Variants in CELF2 observed in about 807,000 individuals in gnomAD.
The protein encoded by CELF2 is CUG triplet repeat RNA-binding protein 2.
In CELF2, 8 loss-of-function variants were observed where a neutral mutation model predicts 62.6. The observed-to-expected ratio is 0.13, with a 90% CI of 0.07 to 0.23. The LOEUF (loss-of-function observed/expected upper bound fraction) is 0.23, where lower values mean the gene tolerates loss of function less well. Among genes scored for constraint, CELF2 ranks in the 10% least tolerant of loss-of-function variants. CELF2 has a pLI of 1.00. For synonymous variants in CELF2, 258 were observed against 250.0 expected, an observed-to-expected ratio of 1.03 and a Z score of -0.30; for missense variants, 333 against 671.0, an observed-to-expected ratio of 0.50 and a Z score of 5.56.
chr10:11,123,113 G>A (rs1045375103), intron 1 of CELF2, among the ~76,000 whole-genome samples: 2 of 152,172 alleles, frequency 1.3e-5, no homozygotes, highest in Non-Finnish European at 2.9e-5. Context: ...CTCCAGTTGT[G>A]TGTCTGGAGT....
intron 1 of CELF2, among the ~76,000 whole-genome samples, chr10:11,034,264 A>T (rs2060599709): frequency 6.6e-6 from 1 of 152,232 alleles, no homozygotes; most frequent in Admixed American, 6.5e-5. Context: ...TTGTTGAGAT[A>T]CAAGAAATTA....
At chr10:10,747,775 C>G in the CELF2 span, among the ~76,000 whole-genome samples, 1 of 152,162 alleles carries the variant, frequency 6.6e-6, no homozygotes, top group Non-Finnish European at 1.5e-5. Context: ...GGCACGATCT[C>G]GGCTCACTGC....
At chr10:11,139,309 T>A (rs535591091) in intron 1 of CELF2, among the ~76,000 whole-genome samples, 1 of 152,350 alleles carries the variant, frequency 6.6e-6, no homozygotes, top group East Asian at 1.9e-4. Context: ...ATGCTTTCAT[T>A]GTAAATTTAA....
chr10:11,143,463 T>TG (rs1273745549), intron 1 of CELF2, among the ~76,000 whole-genome samples: 2 of 152,248 alleles, frequency 1.3e-5, no homozygotes, highest in Non-Finnish European at 2.9e-5. Flanking sequence ...CGGTTTTGTC[T>TG]GACTGACGGA....
the CELF2 span, among the ~76,000 whole-genome samples, chr10:10,575,489 T>A: frequency 6.6e-6 from 1 of 152,226 alleles, no homozygotes. Flanking sequence ...TTTTCTTTTG[T>A]TGAGTGTGTT....
At chr10:10,501,322 C>A in the CELF2 span, among the ~76,000 whole-genome samples, 2 of 152,044 alleles carry the variant, frequency 1.3e-5, no homozygotes, top group African/African-American at 4.8e-5. Context: ...AATGGTAGTT[C>A]TTTGTGGTTT....
rs1486141096 is a variant in CELF2, at chr10:11,247,463, ATT to A, written c.355-1689_355-1688del. 1.2e-4 allele frequency among the ~76,000 whole-genome samples: 19 copies of A among 152,102 alleles called. No individual in the cohort carries two copies. Among genetic ancestry groups the A allele is most frequent in the African/African-American group, 4.6e-4 (19 of 41,418 alleles). On this transcript the variant is annotated intron_variant, in intron 3 of 12. Coordinates refer to ENST00000633077, the MANE Select transcript of CELF2 (RefSeq NM_001326342.2). The surrounding 1 kb of genome is among the most constrained non-coding windows in gnomAD (Gnocchi z 5.4). ...GCCTTGGCTTTCCTCGCCAGGCAGG[ATT>A]AAGTCCCACACCCCTGGACCCCTGT... is the stretch of plus-strand genomic sequence containing the variant.
chr10:11,019,761 C>G (rs540780733), intron 1 of CELF2, among the ~76,000 whole-genome samples: 1 of 152,096 alleles, frequency 6.6e-6, no homozygotes, highest in South Asian at 2.1e-4. Flanking sequence ...GTAACATTTC[C>G]ACGATATTTG....
At chr10:10,735,376 T>C in the CELF2 span, among the ~76,000 whole-genome samples, 21,829 of 152,180 alleles carry the variant, frequency 0.14, 1,846 homozygotes, top group Non-Finnish European at 0.18. Context: ...TTTCAAGGCA[T>C]CAGTATGTTG....
chr10:11,326,369 C>G (rs1410416250), intron 12 of CELF2, among the ~76,000 whole-genome samples: 2 of 152,262 alleles, frequency 1.3e-5, no homozygotes, highest in Non-Finnish European at 2.9e-5. Context: ...TTCATCAGCA[C>G]CAACACATCC....
At chr10:10,776,945 C>T in the CELF2 span, among the ~76,000 whole-genome samples, 2 of 152,250 alleles carry the variant, frequency 1.3e-5, no homozygotes, top group African/African-American at 4.8e-5. Context: ...CTCTTCACGT[C>T]TTGGCTATGC....
At chr10:10,833,953 C>T (rs939548810) in intron 1 of CELF2, among the ~76,000 whole-genome samples, 4 of 152,198 alleles carry the variant, frequency 2.6e-5, no homozygotes, top group African/African-American at 9.7e-5. Flanking sequence ...CCAGCAATCC[C>T]ATTCCTGGGT....
intron 1 of CELF2, among the ~76,000 whole-genome samples, chr10:10,914,431 G>A (rs1001638942): frequency 1.4e-4 from 21 of 152,320 alleles, no homozygotes; most frequent in African/African-American, 4.6e-4. Flanking sequence ...CTGGCATCAC[G>A]CTTTGCACTG....
the CELF2 span, among the ~76,000 whole-genome samples, chr10:10,610,209 A>G: frequency 6.6e-6 from 1 of 152,336 alleles, no homozygotes. Context: ...TATCAAAATG[A>G]ATATGCTACC....
chr10:10,914,637 A>G (rs1482311943), intron 1 of CELF2, among the ~76,000 whole-genome samples: 2 of 152,134 alleles, frequency 1.3e-5, no homozygotes, highest in African/African-American at 2.4e-5. Flanking sequence ...TGATCACACC[A>G]ACGATGGTGT....
chr10:10,620,926 A>T, the CELF2 span, among the ~76,000 whole-genome samples: 1 of 141,092 alleles, frequency 7.1e-6, no homozygotes, highest in Non-Finnish European at 1.5e-5. Context: ...TCAAAAAAAA[A>T]AAAAAAAAAA....
intron 1 of CELF2, among the ~76,000 whole-genome samples, chr10:10,855,774 T>G (rs1202144641): frequency 6.6e-6 from 1 of 152,174 alleles, no homozygotes; most frequent in Non-Finnish European, 1.5e-5. Context: ...AATTCCAACA[T>G]AAATAATATT....
Position 11,319,699 on chromosome 10 carries a change from C to G in CELF2, c.1097-1490C>G. The stretch of plus-strand genomic sequence containing the variant: ...GCCATTCACACTCGTCTCGCCACCC[C>G]TGCTTGGTGTCTGTTCTGAGAAGCA... On this transcript the variant is annotated intron_variant, in intron 10 of 12. Coordinates refer to ENST00000633077, the MANE Select transcript of CELF2 (RefSeq NM_001326342.2). The surrounding 1 kb of genome is among the most constrained non-coding windows in gnomAD (Gnocchi z 4.4). The G allele has an allele frequency of 2.2e-6, 1 of 452,024 alleles. No homozygotes were observed. The highest frequency in any genetic ancestry group is 1.6e-5 in the South Asian group (1 of 60,614). The allele number at this position is 452,024 out of a possible 1,614,324, so 28.0% of individuals were successfully genotyped here.
chr10:10,843,227 G>A (rs2058800094), intron 1 of CELF2, among the ~76,000 whole-genome samples: 2 of 151,732 alleles, frequency 1.3e-5, no homozygotes, highest in Non-Finnish European at 2.9e-5. Context: ...AACAAAAGGT[G>A]GTTATTAATC....
Sources: gnomAD v4.1 joint callset for allele counts (sites outside exome capture counted in the v4.1 genomes callset) on GRCh38, gnomAD v4.1.1 for gene constraint, Gnocchi (gnomAD v3.1) non-coding constraint, MANE v1.5 for transcripts, NCBI Gene and HGNC (gene_info 2026-07-23, HGNC 2026-07-21) for gene names.